SNX7: variants seen among roughly 807,000 people sequenced by gnomAD.
SNX7 encodes sorting nexin-7.
SNX7 carries 35 observed loss-of-function variants against 48.4 expected under a neutral mutation model. The observed-to-expected ratio is 0.72, with a 90% CI of 0.55 to 0.96. The LOEUF (loss-of-function observed/expected upper bound fraction) is 0.96, where lower values mean the gene tolerates loss of function less well. Among genes scored for constraint, SNX7 ranks in the 40% least tolerant of loss-of-function variants. SNX7 has a pLI of 0.00. For synonymous variants in SNX7, 190 were observed against 190.2 expected, an observed-to-expected ratio of 1.00 and a Z score of 0.01; for missense variants, 553 against 548.9, an observed-to-expected ratio of 1.01 and a Z score of -0.07.
At chr1:98,712,604 G>A (rs550791220) in intron 7 of SNX7, among the ~76,000 whole-genome samples, 11 of 152,280 alleles carry the variant, frequency 7.2e-5, no homozygotes, top group African/African-American at 2.4e-4. Context: ...TTCAGGTATA[G>A]AGCACAGGCA....
chr1:98,674,354 G>A (rs1397561173), intron 1 of SNX7, among the ~76,000 whole-genome samples: 1 of 152,102 alleles, frequency 6.6e-6, no homozygotes, highest in East Asian at 1.9e-4. Context: ...AGCAGAGTTG[G>A]TTCCTTCTGA....
intron 7 of SNX7, among the ~76,000 whole-genome samples, chr1:98,725,954 T>C (rs2101014825): frequency 6.6e-6 from 1 of 152,302 alleles, no homozygotes; most frequent in African/African-American, 2.4e-5. Flanking sequence ...TTGAGGAGCT[T>C]ACTGAGTTAT....
At chr1:98,689,275 C>T (rs1650979329) in intron 2 of SNX7, among the ~76,000 whole-genome samples, 2 of 152,162 alleles carry the variant, frequency 1.3e-5, no homozygotes. Context: ...TAGTCTTGTT[C>T]CAAACCCTGC....
chr1:98,758,325 G>T (rs1654951057), intron 8 of SNX7, among the ~76,000 whole-genome samples: 1 of 152,018 alleles, frequency 6.6e-6, no homozygotes, highest in Non-Finnish European at 1.5e-5. Flanking sequence ...TACCGTCTAA[G>T]AGGAGGCCAT....
rs1347148447 is a variant in SNX7, at chr1:98,663,252, GGTTTTTTTTTTTT to G, written c.180+1342_180+1354del. ...ATCAGAATCATCAGGGTTTCTTTCT[GGTTTTTTTTTTTT>G]TTTTTTTTTTTTTTTTTTTTTTTTT... is the stretch of plus-strand genomic sequence containing the variant. On this transcript the variant is annotated intron_variant, in intron 1 of 8. Transcript: ENST00000306121. 2.0e-3 allele frequency among the ~76,000 whole-genome samples: 164 copies of G among 83,156 alleles called. 10 individuals carry two copies. Among genetic ancestry groups the G allele is most frequent in the Middle Eastern group, 0.011 (2 of 174 alleles). The allele number at this position is 83,156 out of a possible 152,430, so 54.6% of individuals were successfully genotyped here.
intron 1 of SNX7, among the ~76,000 whole-genome samples, chr1:98,667,546 T>C (rs1649600843): frequency 6.6e-6 from 1 of 152,026 alleles, no homozygotes; most frequent in Non-Finnish European, 1.5e-5. Context: ...CCAGCATTTT[T>C]TTTTTTTGTA....
intron 1 of SNX7, among the ~76,000 whole-genome samples, chr1:98,672,350 A>G (rs1355076666): frequency 2.0e-5 from 3 of 151,384 alleles, no homozygotes; most frequent in Non-Finnish European, 2.9e-5. Flanking sequence ...GAAATAGACA[A>G]TGGCTCCCAG....
chr1:98,751,982 A>G (rs1455484860), intron 8 of SNX7, among the ~76,000 whole-genome samples: 3 of 152,098 alleles, frequency 2.0e-5, no homozygotes, highest in African/African-American at 7.2e-5. Context: ...TTTTATTACT[A>G]CTCTGATTTT....
chr1:98,672,190 A>G (rs898808072), intron 1 of SNX7, among the ~76,000 whole-genome samples: 7 of 151,986 alleles, frequency 4.6e-5, no homozygotes, highest in African/African-American at 1.5e-4. Context: ...TTGCTCGTTT[A>G]TCTGTCAGCT....
intron 1 of SNX7, among the ~76,000 whole-genome samples, chr1:98,669,344 A>G (rs1649716567): frequency 6.6e-6 from 1 of 152,174 alleles, no homozygotes; most frequent in African/African-American, 2.4e-5. Flanking sequence ...TCTGAGAACT[A>G]TTGAAATAGC....
At chr1:98,729,511 AATTAAT>A (rs957663927) in intron 7 of SNX7, among the ~76,000 whole-genome samples, 5 of 150,788 alleles carry the variant, frequency 3.3e-5, no homozygotes, top group African/African-American at 1.2e-4. Context: ...TTTTTTGAAA[AATTAAT>A]ATTAGTAATG....
chr1:98,683,318 G>C (rs766796531), intron 1 of SNX7, among the ~76,000 whole-genome samples: 7 of 152,148 alleles, frequency 4.6e-5, no homozygotes, highest in Non-Finnish European at 4.4e-5. Flanking sequence ...TGGTTATGCA[G>C]AGACCTGGCT....
chr1:98,681,334 A>G (rs1478454446), intron 1 of SNX7, among the ~76,000 whole-genome samples: 1 of 152,192 alleles, frequency 6.6e-6, no homozygotes, highest in Non-Finnish European at 1.5e-5. Context: ...TTGGGTGGGG[A>G]CACAACCAAA....
At chr1:98,720,547 T>C (rs1652809738) in intron 7 of SNX7, among the ~76,000 whole-genome samples, 1 of 152,132 alleles carries the variant, frequency 6.6e-6, no homozygotes, top group Admixed American at 6.6e-5. Flanking sequence ...CATATGACAC[T>C]ATTCCAGTTA....
intron 8 of SNX7, among the ~76,000 whole-genome samples, chr1:98,739,128 A>T (rs9730501): frequency 0.26 from 40,113 of 151,990 alleles, 5,627 homozygotes; most frequent in Middle Eastern, 0.31. Context: ...ATCAGCCATT[A>T]GTTAAATTGT....
intron 2 of SNX7, among the ~76,000 whole-genome samples, chr1:98,690,490 A>C (rs1651058726): frequency 6.6e-6 from 1 of 152,062 alleles, no homozygotes; most frequent in Non-Finnish European, 1.5e-5. Context: ...TGACAGGAAG[A>C]TTTTCTTTTC....
At chr1:98,685,574 T>C (rs1650748601) in intron 2 of SNX7, among the ~76,000 whole-genome samples, 1 of 152,166 alleles carries the variant, frequency 6.6e-6, no homozygotes, top group Admixed American at 6.5e-5. Flanking sequence ...TCTTTAATCG[T>C]AGGGCGAAGT....
At chr1:98,742,816 G>T (rs947117597) in intron 8 of SNX7, among the ~76,000 whole-genome samples, 15 of 151,776 alleles carry the variant, frequency 9.9e-5, no homozygotes, top group Non-Finnish European at 2.9e-5. Flanking sequence ...TGGGTCTTTG[G>T]AATGTGTCAG....
chr1:98,668,572 C>T (rs1432742615), intron 1 of SNX7, among the ~76,000 whole-genome samples: 2 of 152,128 alleles, frequency 1.3e-5, no homozygotes, highest in African/African-American at 2.4e-5. Flanking sequence ...TTTTGACACA[C>T]GTATTTGCTA....
Sources: allele counts gnomAD v4.1 joint callset (sites outside exome capture counted in the v4.1 genomes callset), GRCh38; gene constraint gnomAD v4.1.1; transcripts MANE v1.5; gene names NCBI Gene and HGNC (gene_info 2026-07-23, HGNC 2026-07-21).